The following CHMP6 variants were observed in gnomAD, a reference collection of about 807,000 sequenced individuals.
CHMP6 encodes charged multivesicular body protein 6.
CHMP6 carries 10 observed loss-of-function variants against 32.8 expected under a neutral mutation model. The ratio of observed to expected loss-of-function variants is 0.30; its 90% CI spans 0.19 to 0.52. The LOEUF is 0.52. Among genes scored for constraint, CHMP6 ranks in the 20% least tolerant of loss-of-function variants. CHMP6 has a pLI of 0.97. For missense variants in CHMP6, 269 were observed against 263.8 expected (o/e 1.02, Z -0.14); for synonymous variants, 123 against 105.8 (o/e 1.16, Z -1.00).
chr17:80,996,980 G>T (rs745977150), intron 4 of CHMP6, 27 bp from the exon 5 acceptor site: 13 of 1,607,734 alleles, frequency 8.1e-6, no homozygotes, highest in Non-Finnish European at 9.4e-6. Flanking sequence ...CGCGACAGGG[G>T]TCAACACCCA....
chr17:80,998,785 C>G, intron 7 of CHMP6: 1 of 927,716 alleles, frequency 1.1e-6, no homozygotes, highest in Non-Finnish European at 1.5e-6. Context: ...CCAACCTGCC[C>G]ACTGGGAAGC....
At chr17:80,996,145 C>T (rs990873668) in intron 4 of CHMP6, among the ~76,000 whole-genome samples, 5 of 152,080 alleles carry the variant, frequency 3.3e-5, no homozygotes, top group African/African-American at 9.7e-5. Context: ...CATGGTGAAA[C>T]CCTGTCTCTA....
chr17:80,995,776 CA>C lies in CHMP6; in HGVS notation c.348+19del. On this transcript the variant is annotated intron_variant, in intron 4 of 7. Coordinates refer to ENST00000325167, the MANE Select transcript of CHMP6 (RefSeq NM_024591.5). ...TGCACCAGGTGAGTCTCTGCAGGGC[CA>C]GGGGCATGGAGGTGTGGGGAGCCCA... 2 of 1,612,110 alleles carry C rather than the reference CA, an allele frequency of 1.2e-6. No homozygotes were observed. The highest frequency in any genetic ancestry group is 1.7e-6 in the Non-Finnish European group (2 of 1,178,356).
chr17:80,996,872 C>G (rs1483510590), intron 4 of CHMP6, 135 bp from the exon 5 acceptor site: 1 of 926,148 alleles, frequency 1.1e-6, no homozygotes, highest in African/African-American at 1.7e-5. Flanking sequence ...GGCAACACAG[C>G]CAGACCTTGT....
At chr17:80,993,280 G>GT (rs5822385) in intron 1 of CHMP6, among the ~76,000 whole-genome samples, 50,668 of 145,696 alleles carry the variant, frequency 0.35, 9,355 homozygotes, top group Admixed American at 0.43. Flanking sequence ...TTTTTTTTCT[G>GT]TTTTTCTAGG....
chr17:80,991,913 G>A lies in CHMP6; in HGVS notation c.-6G>A. 3 of 1,453,446 alleles carry A rather than the reference G, an allele frequency of 2.1e-6. No homozygotes were observed. Among genetic ancestry groups the A allele is most frequent in the East Asian group, 3.1e-5 (1 of 32,748 alleles). 90.0% of individuals were successfully genotyped at this position (1,453,446 alleles called of 1,614,324 possible). The stretch of plus-strand genomic sequence containing the variant: ...GGTGGGTCCCGGGCCAGGGGCGGGC[G>A]CCGCCATGGGTAACCTGTTCGGCCG... On this transcript the variant is annotated 5_prime_UTR_variant, in exon 1 of 8. Coordinates refer to ENST00000325167, the MANE Select transcript of CHMP6 (RefSeq NM_024591.5).
At chr17:80,995,814 C>A in intron 4 of CHMP6, 56 bp downstream of exon 4, 1 of 1,518,856 alleles carries the variant, frequency 6.6e-7, no homozygotes, top group Non-Finnish European at 9.1e-7. Flanking sequence ...TGGGCTGGAG[C>A]TGGGGATAGG....
At chr17:80,998,962 C>A in intron 7 of CHMP6, 136 bp from the exon 8 acceptor site, 1 of 984,314 alleles carries the variant, frequency 1.0e-6, no homozygotes, top group East Asian at 2.5e-5. Flanking sequence ...ACTTGCCTCC[C>A]CCAGAGCTGG....
In CHMP6 at chr17:80,994,755, C is replaced by T. The variant is rs1273663598; in HGVS notation, c.173+65C>T. 70 of 472,140 alleles carry T rather than the reference C, an allele frequency of 1.5e-4. No individual in the cohort carries two copies. The Middle Eastern group carries it at 2.2e-3, about 15-fold the overall frequency. The allele number at this position is 472,140 out of a possible 1,614,324, so 29.2% of individuals were successfully genotyped here. A position where few individuals can be genotyped will look rare whatever the true frequency, so the allele number is the denominator to read the frequency against. ...GGGTGGGGGGCCCGGGCAGCGTGGG[C>T]ACCCTGTCGGCTGGGGTGGGGGGCC... On this transcript the variant is annotated intron_variant, in intron 2 of 7. Transcript: ENST00000325167.
In CHMP6 at chr17:80,991,874, T is replaced by C. The variant is rs771621109; in HGVS notation, c.-45T>C. 4.4e-6 allele frequency: 6 copies of C among 1,350,686 alleles called. No individual in the cohort carries two copies. The highest frequency in any genetic ancestry group is 2.7e-5 in the Admixed American group (1 of 37,274). 83.7% of individuals were successfully genotyped at this position (1,350,686 alleles called of 1,614,324 possible). ...AGCTACGGTGGCCGCGGGGCGGCGG[T>C]GGCGATTGGACTTGGTGGGTCCCGG... On this transcript the variant is annotated 5_prime_UTR_variant, in exon 1 of 8. Coordinates refer to ENST00000325167, the MANE Select transcript of CHMP6 (RefSeq NM_024591.5).
Position 80,991,868 on chromosome 17 carries a change from CG to C in CHMP6, c.-49del. 1 of 1,326,808 alleles carries C rather than the reference CG, an allele frequency of 7.5e-7. No individual in the cohort carries two copies. Among genetic ancestry groups the C allele is most frequent in the East Asian group, 3.4e-5 (1 of 29,718 alleles). The allele number at this position is 1,326,808 out of a possible 1,614,324, so 82.2% of individuals were successfully genotyped here. Reference sequence around the variant, plus strand: ...GACCCGAGCTACGGTGGCCGCGGGGCGGCGGTGGCGATTGGACTTGGTGGGT... The same window carrying C: ...GACCCGAGCTACGGTGGCCGCGGGGCGCGGTGGCGATTGGACTTGGTGGGT... On this transcript the variant is annotated 5_prime_UTR_variant, in exon 1 of 8. Transcript: ENST00000325167.
rs557716568 is a variant in CHMP6, at chr17:80,995,522, G to A, written c.262-150G>A. 3 of 648,696 alleles carry A rather than the reference G, an allele frequency of 4.6e-6. No homozygotes were observed. The African/African-American group carries it at 5.4e-5, about 12-fold the overall frequency. 40.2% of individuals were successfully genotyped at this position (648,696 alleles called of 1,614,324 possible). A position where few individuals can be genotyped will look rare whatever the true frequency, so the allele number is the denominator to read the frequency against. ...TCCTGCGCATCCCCACCTGGCAGTG[G>A]GAGAGGACAGGGAGGAGCAGGTGTC... On this transcript the variant is annotated intron_variant, in intron 3 of 7. Coordinates refer to ENST00000325167, the MANE Select transcript of CHMP6 (RefSeq NM_024591.5).
chr17:80,994,646 C>G lies in CHMP6; in HGVS notation c.129C>G (p.Arg43=), dbSNP rs778694132. 3 of 1,584,742 alleles carry G rather than the reference C, an allele frequency of 1.9e-6. No individual in the cohort carries two copies. The East Asian group carries it at 6.9e-5, about 36-fold the overall frequency. ...AGAGGATCGCCCAGCAGCTGGAGCG[C>G]GAGCGCGCCCTGGCCCGGCAGCTGC... ...YQKRIAQQLE[R]ERALARQLLR... Residue 43 remains arginine (R), a synonymous_variant, in exon 2 of 8, where the codon CGC becomes CGG. Transcript: ENST00000325167.
At chr17:80,997,889 A>T (rs966004743) in intron 6 of CHMP6, among the ~76,000 whole-genome samples, 1 of 152,148 alleles carries the variant, frequency 6.6e-6, no homozygotes, top group Admixed American at 6.5e-5. Context: ...TTGCTTGTCC[A>T]GTTACTTTCT....
At chr17:80,994,344 TGTG>T (rs1208885892) in intron 1 of CHMP6, among the ~76,000 whole-genome samples, 1 of 152,200 alleles carries the variant, frequency 6.6e-6, no homozygotes, top group Non-Finnish European at 1.5e-5. Context: ...TGTGATGGGC[TGTG>T]GAGTCCGGGT....
Position 80,999,495 on chromosome 17 carries a change from C to G in CHMP6, c.*342C>G. On this transcript the variant is annotated 3_prime_UTR_variant, in exon 8 of 8. Transcript: ENST00000325167. The stretch of plus-strand genomic sequence containing the variant: ...CCAGCCCCGCGTGGCTCGCGCTCGT[C>G]TGTGAGGAAGACACCTCCAGACCTT... 7.1e-6 allele frequency: 2 copies of G among 282,440 alleles called. No homozygotes were observed. The highest frequency in any genetic ancestry group is 8.8e-5 in the South Asian group (2 of 22,686). 17.5% of individuals were successfully genotyped at this position (282,440 alleles called of 1,614,324 possible).
intron 6 of CHMP6, among the ~76,000 whole-genome samples, chr17:80,997,829 C>T (rs561131426): frequency 7.9e-5 from 12 of 152,380 alleles, no homozygotes; most frequent in Non-Finnish European, 1.0e-4. Flanking sequence ...GCCCTGCTGC[C>T]AGCTGCCCCG....
intron 4 of CHMP6, among the ~76,000 whole-genome samples, chr17:80,996,201 A>T (rs1482390873): frequency 6.6e-6 from 1 of 151,940 alleles, no homozygotes; most frequent in Non-Finnish European, 1.5e-5. Flanking sequence ...GCACCTGTAA[A>T]CCCAGCTACT....
rs781000419 is a variant in CHMP6 at position 80,999,184 on chromosome 17, T to C, written c.*31T>C. The C allele has an allele frequency of 3.2e-5, 52 of 1,613,080 alleles. No homozygotes were observed. Among genetic ancestry groups the C allele is most frequent in the Non-Finnish European group, 4.1e-5 (48 of 1,179,426 alleles). ...CCTCGTCTTGTGGGACTCACGGGGA[T>C]GCCCCAGGGACTGTGGCCCACAGAG... On this transcript the variant is annotated 3_prime_UTR_variant, in exon 8 of 8. Transcript: ENST00000325167.
Sources: gnomAD v4.1 joint callset for allele counts (sites outside exome capture counted in the v4.1 genomes callset) on GRCh38, gnomAD v4.1.1 for gene constraint, MANE v1.5 for transcripts, NCBI Gene and HGNC (gene_info 2026-07-23, HGNC 2026-07-21) for gene names.